NEDD9: variants seen among roughly 807,000 people sequenced by gnomAD.
NEDD9 encodes the protein enhancer of filamentation 1.
A neutral mutation model predicts 76.6 loss-of-function variants in NEDD9; 26 were observed. The ratio of observed to expected loss-of-function variants is 0.34; its 90% CI spans 0.25 to 0.47. The LOEUF (loss-of-function observed/expected upper bound fraction) is 0.47. Ranked by LOEUF, NEDD9 falls within the 20% of genes least tolerant of loss-of-function variation. The pLI, the probability that NEDD9 is intolerant of heterozygous loss-of-function variation, is 1.00. For missense variants in NEDD9, 937 were observed against 1,058.5 expected (o/e 0.89, Z 1.59); for synonymous variants, 392 against 414.2 (o/e 0.95, Z 0.65).
chr6:11,216,804 C>T (rs1042062355), intron 1 of NEDD9, among the ~76,000 whole-genome samples: 16 of 152,186 alleles, frequency 1.1e-4, no homozygotes, highest in Non-Finnish European at 1.5e-5. Flanking sequence ...CATTTGCAGT[C>T]CAGGCTTGGT....
At chr6:11,225,801 T>A (rs1039529620) in intron 1 of NEDD9, among the ~76,000 whole-genome samples, 1 of 33,294 alleles carries the variant, frequency 3.0e-5, no homozygotes, top group East Asian at 1.2e-3. Context: ...GCGCCCGGCC[T>A]TTTTTTTTTT....
intron 2 of NEDD9, among the ~76,000 whole-genome samples, chr6:11,320,989 C>T (rs1761784203): frequency 6.6e-6 from 1 of 151,038 alleles, no homozygotes; most frequent in Non-Finnish European, 1.5e-5. Flanking sequence ...GACTTTTTAA[C>T]CATATACCTC....
chr6:11,317,808 G>C (rs1761621729), intron 2 of NEDD9, among the ~76,000 whole-genome samples: 1 of 152,190 alleles, frequency 6.6e-6, no homozygotes, highest in Admixed American at 6.5e-5. Flanking sequence ...CACCTGACTA[G>C]GCCACAGGAT....
At chr6:11,315,065 G>A (rs1202608055) in intron 2 of NEDD9, among the ~76,000 whole-genome samples, 3 of 152,166 alleles carry the variant, frequency 2.0e-5, no homozygotes, top group Non-Finnish European at 4.4e-5. Context: ...CTGCCTTAGG[G>A]TAATTCTGGG....
chr6:11,350,201 C>A (rs1762439652), intron 1 of NEDD9, among the ~76,000 whole-genome samples: 1 of 152,156 alleles, frequency 6.6e-6, no homozygotes, highest in African/African-American at 2.4e-5. Context: ...TCATGTACAT[C>A]CAGTCCTAAG....
intron 1 of NEDD9, among the ~76,000 whole-genome samples, chr6:11,349,967 C>T (rs2113533694): frequency 6.6e-6 from 1 of 152,248 alleles, no homozygotes; most frequent in South Asian, 2.1e-4. Context: ...TAGAGAGGCT[C>T]TTAGTTTGAA....
At chr6:11,361,419 C>T (rs1438694876) in intron 1 of NEDD9, among the ~76,000 whole-genome samples, 1 of 152,014 alleles carries the variant, frequency 6.6e-6, no homozygotes, top group Non-Finnish European at 1.5e-5. Flanking sequence ...GGAGCAGGTA[C>T]GTCACATGGT....
chr6:11,223,123 C>T (rs1481236082), intron 1 of NEDD9, among the ~76,000 whole-genome samples: 1 of 152,140 alleles, frequency 6.6e-6, no homozygotes, highest in Non-Finnish European at 1.5e-5. Flanking sequence ...GCCCCCACCA[C>T]AAAGAATGAC....
chr6:11,371,312 G>T (rs753151711), intron 1 of NEDD9, among the ~76,000 whole-genome samples: 18 of 152,120 alleles, frequency 1.2e-4, no homozygotes, highest in African/African-American at 4.3e-4. Flanking sequence ...AGTAGGGTTC[G>T]CACCTGGTGG....
upstream of NEDD9, among the ~76,000 whole-genome samples, chr6:11,237,527 A>G (rs554049972): frequency 1.2e-3 from 183 of 152,320 alleles, no homozygotes; most frequent in Non-Finnish European, 2.2e-3. The surrounding 1 kb of genome is among the most constrained non-coding windows in gnomAD (Gnocchi z 4.9). Flanking sequence ...CTAGTTCTGC[A>G]TCTATGAGCC....
intron 3 of NEDD9, among the ~76,000 whole-genome samples, chr6:11,192,932 C>CAAAAAAA (rs71550759): frequency 3.6e-5 from 1 of 28,150 alleles, no homozygotes; most frequent in Non-Finnish European, 6.0e-5. Flanking sequence ...GACTCTGTCT[C>CAAAAAAA]AAAAAAAAAA....
chr6:11,305,308 T>A (rs980497683), intron 3 of NEDD9: 13 of 412,768 alleles, frequency 3.1e-5, no homozygotes, highest in Non-Finnish European at 4.6e-5. Flanking sequence ...AAACAGAGAT[T>A]CAAAAGGGTC....
chr6:11,190,379 T>C lies in NEDD9; in HGVS notation c.1490A>G (p.Gln497Arg). Residue 497 changes from glutamine to arginine, a missense_variant, in exon 5 of 7, where the codon CAG becomes CGG. Coordinates refer to ENST00000379446, the MANE Select transcript of NEDD9 (RefSeq NM_006403.4). The surrounding 1 kb of genome is among the most constrained non-coding windows in gnomAD (Gnocchi z 5.8). ...GTCATGGCTGGTTTGACTCAGGATC[T>C]GGTGGGAGTCTTCAACTCGTTGCAG... ...RELQRVEDSH[Q>R]ILSQTSHDLN... 6.2e-7 allele frequency: 1 copy of C among 1,614,234 alleles called. No homozygotes were observed. Among genetic ancestry groups the C allele is most frequent in the Non-Finnish European group, 8.5e-7 (1 of 1,180,046 alleles).
intron 6 of NEDD9, among the ~76,000 whole-genome samples, chr6:11,185,904 A>C (rs1001766621): frequency 2.0e-5 from 3 of 152,174 alleles, no homozygotes; most frequent in Non-Finnish European, 4.4e-5. Flanking sequence ...GGTCTCTTGT[A>C]CCCTCTGGCT....
chr6:11,186,034 T>C (rs181595150), intron 6 of NEDD9, among the ~76,000 whole-genome samples: 1 of 152,272 alleles, frequency 6.6e-6, no homozygotes, highest in Admixed American at 6.5e-5. Context: ...TATGTAAATG[T>C]TTATTAATGT....
At chr6:11,310,101 AC>A (rs1761323084) in intron 2 of NEDD9, among the ~76,000 whole-genome samples, 1 of 152,152 alleles carries the variant, frequency 6.6e-6, no homozygotes, top group Non-Finnish European at 1.5e-5. Flanking sequence ...AGCACTGAGC[AC>A]AAATTGCTGA....
At chr6:11,192,077 C>T (rs1336814426) in intron 4 of NEDD9, among the ~76,000 whole-genome samples, 1 of 152,206 alleles carries the variant, frequency 6.6e-6, no homozygotes, top group Non-Finnish European at 1.5e-5. Flanking sequence ...AACTAATTAT[C>T]TTCCCTGCCA....
chr6:11,371,053 G>A (rs917994559), intron 1 of NEDD9, among the ~76,000 whole-genome samples: 5 of 152,156 alleles, frequency 3.3e-5, no homozygotes, highest in African/African-American at 9.7e-5. Context: ...CCGGTGTTGG[G>A]CACTTTCTTG....
At chr6:11,381,603 G>A (rs1465733915) in intron 1 of NEDD9, among the ~76,000 whole-genome samples, 1 of 152,190 alleles carries the variant, frequency 6.6e-6, no homozygotes, top group Non-Finnish European at 1.5e-5. Context: ...AACACAGTGT[G>A]CTGTCACTTG....
Sources: gnomAD v4.1 joint callset for allele counts (sites outside exome capture counted in the v4.1 genomes callset) on GRCh38, gnomAD v4.1.1 for gene constraint, Gnocchi (gnomAD v3.1) non-coding constraint, MANE v1.5 for transcripts, NCBI Gene and HGNC (gene_info 2026-07-23, HGNC 2026-07-21) for gene names.